Variants in HCN1 observed in about 807,000 individuals in gnomAD.
HCN1 encodes hyperpolarization activated cyclic nucleotide gated potassium channel 1, also known as potassium/sodium hyperpolarization-activated cyclic nucleotide-gated channel 1.
HCN1 carries 13 observed loss-of-function variants against 78.9 expected under a neutral mutation model. The ratio of observed to expected loss-of-function variants is 0.16; its 90% CI spans 0.11 to 0.26. The LOEUF (loss-of-function observed/expected upper bound fraction) is 0.26, where lower values mean the gene tolerates loss of function less well. HCN1 is among the 10% of genes least tolerant of loss of function. The pLI is 1.00. For missense variants in HCN1, 810 were observed against 1,154.3 expected (o/e 0.70, Z 4.32); for synonymous variants, 552 against 455.5 (o/e 1.21, Z -2.70).
At chr5:45,593,319 CTCCCTCT>C (rs1744418466) in intron 2 of HCN1, among the ~76,000 whole-genome samples, 1 of 46,860 alleles carries the variant, frequency 2.1e-5, no homozygotes, top group African/African-American at 5.4e-5. Context: ...CTCTCTCTCT[CTCCCTCT>C]CTCTCTCTCT....
chr5:45,340,184 G>A (rs1223664458), intron 5 of HCN1, among the ~76,000 whole-genome samples: 1 of 152,188 alleles, frequency 6.6e-6, no homozygotes, highest in African/African-American at 2.4e-5. Flanking sequence ...ACCTCCCAAA[G>A]TACTGGGATT....
chr5:45,274,466 G>C (rs1301931925), intron 6 of HCN1, among the ~76,000 whole-genome samples: 1 of 152,074 alleles, frequency 6.6e-6, no homozygotes, highest in Non-Finnish European at 1.5e-5. Context: ...GCTGTTATGT[G>C]GTTAACTAAA....
rs573146014 is a variant in HCN1 at position 45,641,837 on chromosome 5, C to T, written c.849+3348G>A. The T allele has an allele frequency of 5.3e-5, 8 of 152,204 alleles. No homozygotes were observed. In the South Asian group the frequency reaches 1.2e-3, roughly 24 times the overall value. The allele number at this position is 152,204 out of a possible 1,614,324, so 9.4% of individuals were successfully genotyped here. A position where few individuals can be genotyped will look rare whatever the true frequency, so the allele number is the denominator to read the frequency against. On this transcript the variant is annotated intron_variant, in intron 2 of 7. Coordinates refer to ENST00000303230, the MANE Select transcript of HCN1 (RefSeq NM_021072.4). ...CTGAATAATCTCCTATTCACTAAGC[C>T]CTTAATCTACTCTTTATCTCTTCAG...
rs553926522 is a variant in HCN1 at position 45,314,045 on chromosome 5, C to G, written c.1378-10206G>C. Among the ~76,000 whole-genome samples the G allele has an allele frequency of 2.0e-5, 3 of 152,124 alleles. No individual in the cohort carries two copies. The South Asian group carries it at 6.2e-4, about 32-fold the overall frequency. On this transcript the variant is annotated intron_variant, in intron 5 of 7. Transcript: ENST00000303230. ...CACAAAGATACGAGAAGAGCAACTC[C>G]AAGACAAATAATTGTCAGATTCACC...
chr5:45,435,278 G>C (rs1740539926), intron 3 of HCN1, among the ~76,000 whole-genome samples: 1 of 151,894 alleles, frequency 6.6e-6, no homozygotes, highest in Non-Finnish European at 1.5e-5. Context: ...TGTTATCATG[G>C]TATTTTATTC....
At chr5:45,539,929 T>TATATATA (rs1743061024) in intron 2 of HCN1, among the ~76,000 whole-genome samples, 2 of 25,788 alleles carry the variant, frequency 7.8e-5, no homozygotes, top group African/African-American at 1.4e-4. Flanking sequence ...GATATATATA[T>TATATATA]ATATATATAT....
In HCN1 at chr5:45,521,636, G is replaced by A. The variant is rs374379407; in HGVS notation, c.850-59629C>T. 3.3e-4 allele frequency among the ~76,000 whole-genome samples: 50 copies of A among 152,016 alleles called. No individual in the cohort carries two copies. The South Asian group carries it at 0.01, about 31-fold the overall frequency. ...CATGCCAATGACCTCATTTTAACCTGATTACCTCTGTTATGACCCTATTTC... is the reference window on the plus strand; with the variant it reads ...CATGCCAATGACCTCATTTTAACCTAATTACCTCTGTTATGACCCTATTTC... On this transcript the variant is annotated intron_variant, in intron 2 of 7. Transcript: ENST00000303230.
intron 3 of HCN1, among the ~76,000 whole-genome samples, chr5:45,457,463 T>C (rs1741050370): frequency 6.6e-6 from 1 of 152,144 alleles, no homozygotes; most frequent in Non-Finnish European, 1.5e-5. Context: ...TAGAATTATA[T>C]AATTCAGACT....
chr5:45,454,720 T>C (rs1463181537), intron 3 of HCN1, among the ~76,000 whole-genome samples: 1 of 152,098 alleles, frequency 6.6e-6, no homozygotes, highest in Non-Finnish European at 1.5e-5. Flanking sequence ...CCTAAGTAGT[T>C]AAATGGGCTC....
chr5:45,666,918 C>A lies in HCN1; in HGVS notation c.426-21310G>T, dbSNP rs551109182. ...AAATTGGAAGATATCCAGAAAAAAT[C>A]AGGGGGGTGGGAATGATTAAGGAAA... On this transcript the variant is annotated intron_variant, in intron 1 of 7. Transcript: ENST00000303230. 1.7e-4 allele frequency among the ~76,000 whole-genome samples: 26 copies of A among 151,950 alleles called. 1 individual carries two copies. In the South Asian group the frequency reaches 5.2e-3, roughly 30 times the overall value.
intron 2 of HCN1, among the ~76,000 whole-genome samples, chr5:45,466,507 G>A (rs544113909): frequency 1.6e-3 from 242 of 152,206 alleles, no homozygotes; most frequent in African/African-American, 5.6e-3. Flanking sequence ...TCTTGACAGA[G>A]AACATTCTAT....
At chr5:45,533,421 T>G (rs1004979980) in intron 2 of HCN1, among the ~76,000 whole-genome samples, 5 of 152,166 alleles carry the variant, frequency 3.3e-5, no homozygotes, top group Non-Finnish European at 7.4e-5. Flanking sequence ...GGCACCTGCT[T>G]TGTGTCACCG....
At chr5:45,310,460 A>T (rs1024658569) in intron 5 of HCN1, among the ~76,000 whole-genome samples, 2 of 152,190 alleles carry the variant, frequency 1.3e-5, no homozygotes, top group African/African-American at 4.8e-5. Context: ...CAAAACCACA[A>T]TGATATACCA....
At chr5:45,373,493 T>C (rs1244899941) in intron 4 of HCN1, among the ~76,000 whole-genome samples, 1 of 140,278 alleles carries the variant, frequency 7.1e-6, no homozygotes, top group East Asian at 2.1e-4. Flanking sequence ...ATATACAATA[T>C]ATACATTATA....
In HCN1 at chr5:45,261,726, C is replaced by G; in HGVS notation, c.*195G>C. 1.9e-6 allele frequency: 1 copy of G among 535,016 alleles called. No homozygotes were observed. The highest frequency in any genetic ancestry group is 2.8e-5 in the South Asian group (1 of 35,960). 33.1% of individuals were successfully genotyped at this position (535,016 alleles called of 1,614,324 possible). On this transcript the variant is annotated 3_prime_UTR_variant, in exon 8 of 8. Coordinates refer to ENST00000303230, the MANE Select transcript of HCN1 (RefSeq NM_021072.4). ...CTGAATGCTAAACAGGTCTTTTGAC[C>G]CTCTCTTGGGAATTTAGATATATAT...
Position 45,527,091 on chromosome 5 carries a change from C to T in HCN1, c.850-65084G>A, listed in dbSNP as rs1341927086. On this transcript the variant is annotated intron_variant, in intron 2 of 7. Coordinates refer to ENST00000303230, the MANE Select transcript of HCN1 (RefSeq NM_021072.4). ...TCTCTCTCTGTCTCTCTCACACACA[C>T]TGACATTCACATCCTTTCCTACACA... Among the ~76,000 whole-genome samples the T allele has an allele frequency of 3.0e-5, 4 of 135,264 alleles. 1 individual carries two copies. Among genetic ancestry groups the T allele is most frequent in the East Asian group, 4.7e-4 (2 of 4,222 alleles). The allele number at this position is 135,264 out of a possible 152,430, so 88.7% of individuals were successfully genotyped here. A position where few individuals can be genotyped will look rare whatever the true frequency, so the allele number is the denominator to read the frequency against.
chr5:45,547,965 C>T (rs1440087083), intron 2 of HCN1, among the ~76,000 whole-genome samples: 1 of 151,854 alleles, frequency 6.6e-6, no homozygotes, highest in African/African-American at 2.4e-5. Flanking sequence ...TTTTTCAAAT[C>T]ACTATTTGTG....
intron 2 of HCN1, among the ~76,000 whole-genome samples, chr5:45,616,094 A>AT (rs570677328): frequency 4.6e-5 from 7 of 151,104 alleles, no homozygotes; most frequent in Non-Finnish European, 1.0e-4. Flanking sequence ...AAAAGATGGC[A>AT]TTTTTTTTCC....
chr5:45,658,838 G>A (rs1580026840), intron 1 of HCN1, among the ~76,000 whole-genome samples: 1 of 151,444 alleles, frequency 6.6e-6, no homozygotes, highest in East Asian at 2.0e-4. Context: ...TAGCACAGCA[G>A]TCTGAGATCA....
Sources: allele counts gnomAD v4.1 joint callset (sites outside exome capture counted in the v4.1 genomes callset), GRCh38; gene constraint gnomAD v4.1.1; transcripts MANE v1.5; gene names NCBI Gene and HGNC (gene_info 2026-07-23, HGNC 2026-07-21).